Variants in DUSP15 observed in about 807,000 individuals in gnomAD.
DUSP15 encodes the protein dual specificity phosphatase 15.
A neutral mutation model predicts 26.3 loss-of-function variants in DUSP15; 23 were observed. The ratio of observed to expected loss-of-function variants is 0.87; its 90% CI spans 0.63 to 1.24. The LOEUF is 1.24. Among genes scored for constraint, DUSP15 ranks in the 50% most tolerant of loss-of-function variants. The pLI is 0.00. For missense variants in DUSP15, 364 were observed against 320.6 expected, an observed-to-expected ratio of 1.14 and a Z score of -1.03; for synonymous variants, 143 against 135.5, an observed-to-expected ratio of 1.06 and a Z score of -0.39.
intron 8 of DUSP15, chr20:31,849,002 C>T: frequency 1.0e-6 from 1 of 973,742 alleles, no homozygotes; most frequent in Non-Finnish European, 1.5e-6. Flanking sequence ...TTCCCATGCC[C>T]AAGTCCTGTA....
At chr20:31,851,408 G>C (rs2062468470) in intron 6 of DUSP15, among the ~76,000 whole-genome samples, 1 of 152,104 alleles carries the variant, frequency 6.6e-6, no homozygotes, top group Admixed American at 6.5e-5. Flanking sequence ...GAGGGAGCCG[G>C]AGGTGATGGA....
In DUSP15 at chr20:31,863,395, C is replaced by T. The variant is rs368398814; in HGVS notation, c.263+512G>A. 9.9e-5 allele frequency among the ~76,000 whole-genome samples: 15 copies of T among 152,262 alleles called. 1 individual carries two copies. The East Asian group carries it at 1.4e-3, about 14-fold the overall frequency. On this transcript the variant is annotated intron_variant, in intron 5 of 6. Coordinates refer to ENST00000339738, the MANE Select transcript of DUSP15 (RefSeq NM_080611.5). Reference sequence around the variant, plus strand: ...GAAATGAGGCTTGGGAAACCGGCCTCCTTGCTGGGCCTCCAGCAGAGCCAG... The same window carrying T: ...GAAATGAGGCTTGGGAAACCGGCCTTCTTGCTGGGCCTCCAGCAGAGCCAG...
At chr20:31,852,256 G>A (rs1883081434) in intron 6 of DUSP15, among the ~76,000 whole-genome samples, 1 of 152,092 alleles carries the variant, frequency 6.6e-6, no homozygotes, top group Admixed American at 6.5e-5. Flanking sequence ...TGATCCACCT[G>A]TCTCCGACTC....
downstream of DUSP15, among the ~76,000 whole-genome samples, chr20:31,846,109 GAC>G (rs2062373730): frequency 5.3e-5 from 4 of 76,190 alleles, 1 homozygote; most frequent in South Asian, 7.4e-4. Context: ...TACACGTACA[GAC>G]ACACAGAGAC....
At chr20:31,853,393 A>G (rs2062507591) in intron 6 of DUSP15, among the ~76,000 whole-genome samples, 1 of 152,180 alleles carries the variant, frequency 6.6e-6, no homozygotes, top group Non-Finnish European at 1.5e-5. Flanking sequence ...ACTCCAGATG[A>G]TTTTAAAAAC....
exon 10 of DUSP15, chr20:31,847,884 G>C (rs550224516): frequency 6.6e-6 from 1 of 152,286 alleles, no homozygotes; most frequent in Admixed American, 6.5e-5. Context: ...CCCAGGGTTC[G>C]GCCAAGTTCC....
chr20:31,864,173 G>T lies in DUSP15; in HGVS notation c.189-192C>A. On this transcript the variant is annotated intron_variant, in intron 4 of 6. Transcript: ENST00000339738. ...GTGTTTGTGTGAAGCAAGAATGGTG[G>T]CATTTCAGGCAGTGAGAGAGACCAG... is the stretch of plus-strand genomic sequence containing the variant. 2.2e-6 allele frequency: 3 copies of T among 1,388,866 alleles called. No individual in the cohort carries two copies. The South Asian group carries it at 4.7e-5, about 22-fold the overall frequency. 86.0% of individuals were successfully genotyped at this position (1,388,866 alleles called of 1,614,324 possible). A position where few individuals can be genotyped will look rare whatever the true frequency, so the allele number is the denominator to read the frequency against.
In DUSP15 at chr20:31,861,133, C is replaced by G; in HGVS notation, c.*270G>C. On this transcript the variant is annotated 3_prime_UTR_variant, in exon 7 of 7. Transcript: ENST00000339738. ...CCGTCAAACCCTCCACTCTCCCTCCCTCCCCTCCCGCCGCCTTTAAGGGTG... is the reference window on the plus strand; with the variant it reads ...CCGTCAAACCCTCCACTCTCCCTCCGTCCCCTCCCGCCGCCTTTAAGGGTG... The G allele has an allele frequency of 1.4e-5, 18 of 1,317,350 alleles. No homozygotes were observed. Among genetic ancestry groups the G allele is most frequent in the Non-Finnish European group, 1.3e-5 (14 of 1,039,010 alleles). 81.6% of individuals were successfully genotyped at this position (1,317,350 alleles called of 1,614,324 possible).
chr20:31,853,771 A>G (rs2062514216), intron 6 of DUSP15, among the ~76,000 whole-genome samples: 2 of 151,848 alleles, frequency 1.3e-5, no homozygotes, highest in Admixed American at 6.5e-5. Context: ...CTAATAGTAA[A>G]ATATTTTTTG....
chr20:31,861,739 C>T (rs1452607816), intron 6 of DUSP15, 64 bp from the exon 7 acceptor site: 24 of 1,184,582 alleles, frequency 2.0e-5, no homozygotes, highest in Non-Finnish European at 2.5e-5. Flanking sequence ...AGGCAGCCGG[C>T]CCCGCCCCCA....
chr20:31,859,496 GGAAGCATTGTTCCT>G (rs1248609843), downstream of DUSP15, among the ~76,000 whole-genome samples: 1 of 152,108 alleles, frequency 6.6e-6, no homozygotes, highest in Admixed American at 6.5e-5. Flanking sequence ...ACCAGAGACT[GGAAGCATTGTTCCT>G]GATGTGTACC....
chr20:31,853,754 T>A (rs377606659), intron 6 of DUSP15, among the ~76,000 whole-genome samples: 5 of 151,676 alleles, frequency 3.3e-5, no homozygotes, highest in African/African-American at 1.2e-4. Context: ...CACCCCACCA[T>A]GTCTGGCTAA....
rs1055680930 is a variant in DUSP15, at chr20:31,870,151, G to C, written c.21+166C>G. 4.9e-6 allele frequency: 6 copies of C among 1,228,668 alleles called. No homozygotes were observed. The highest frequency in any genetic ancestry group is 6.1e-6 in the Non-Finnish European group (6 of 984,982). 76.1% of individuals were successfully genotyped at this position (1,228,668 alleles called of 1,614,324 possible). On this transcript the variant is annotated intron_variant, in intron 1 of 6. Coordinates refer to ENST00000339738, the MANE Select transcript of DUSP15 (RefSeq NM_080611.5). This position sits in a 1 kb window ranked among gnomAD's most constrained non-coding sequence, Gnocchi z 6.6. ...GGGGACAGAGACGCAGGGTCAGAGA[G>C]GGGGAGACCCGACAGCCGCGGTCTC...
intron 8 of DUSP15, chr20:31,848,932 C>T (rs1555792129): frequency 1.0e-5 from 16 of 1,584,568 alleles, no homozygotes; most frequent in Non-Finnish European, 1.4e-5. Flanking sequence ...TTATACGACA[C>T]TGAGACTATA....
chr20:31,861,130 T>TCC lies in DUSP15; in HGVS notation c.*271_*272dup. 7.7e-7 allele frequency: 1 copy of TCC among 1,296,150 alleles called. No homozygotes were observed. Among genetic ancestry groups the TCC allele is most frequent in the Non-Finnish European group, 9.8e-7 (1 of 1,025,182 alleles). 80.3% of individuals were successfully genotyped at this position (1,296,150 alleles called of 1,614,324 possible). A position where few individuals can be genotyped will look rare whatever the true frequency, so the allele number is the denominator to read the frequency against. ...GGCCCGTCAAACCCTCCACTCTCCCTCCCTCCCCTCCCGCCGCCTTTAAGG... is the reference window on the plus strand; with the variant it reads ...GGCCCGTCAAACCCTCCACTCTCCCTCCCCCTCCCCTCCCGCCGCCTTTAAGG... On this transcript the variant is annotated 3_prime_UTR_variant, in exon 7 of 7. Transcript: ENST00000339738.
downstream of DUSP15, among the ~76,000 whole-genome samples, chr20:31,856,193 T>C (rs898099506): frequency 8.5e-5 from 13 of 152,122 alleles, no homozygotes; most frequent in African/African-American, 2.7e-4. Context: ...GGGAATCGCA[T>C]GTGCAAAGGT....
downstream of DUSP15, among the ~76,000 whole-genome samples, chr20:31,859,522 G>T (rs2123232902): frequency 6.6e-6 from 1 of 152,280 alleles, no homozygotes; most frequent in South Asian, 2.1e-4. Flanking sequence ...ATGTGTACCT[G>T]CTGGGAGGGC....
intron 6 of DUSP15, among the ~76,000 whole-genome samples, chr20:31,853,595 G>T (rs2062510523): frequency 6.6e-6 from 1 of 151,646 alleles, no homozygotes; most frequent in Non-Finnish European, 1.5e-5. Context: ...AGTGAGGCAG[G>T]AGGATCACAT....
upstream of DUSP15, chr20:31,870,642 G>A (rs1442661207): frequency 5.4e-6 from 7 of 1,299,474 alleles, no homozygotes; most frequent in Non-Finnish European, 6.9e-6. This position sits in a 1 kb window ranked among gnomAD's most constrained non-coding sequence, Gnocchi z 6.6. Context: ...CCAGTGTGCC[G>A]GGCCCACGGC....
Sources: allele counts gnomAD v4.1 joint callset (sites outside exome capture counted in the v4.1 genomes callset), GRCh38; gene constraint gnomAD v4.1.1; non-coding constraint Gnocchi (gnomAD v3.1); transcripts MANE v1.5; gene names NCBI Gene and HGNC (gene_info 2026-07-23, HGNC 2026-07-21).